Variants in IQCM observed in about 807,000 individuals in gnomAD.
IQCM encodes IQ motif containing M, also known as IQ domain-containing protein M.
A neutral mutation model predicts 57.6 loss-of-function variants in IQCM; 45 were observed. That is an observed-to-expected ratio of 0.78 (90% confidence interval 0.62 to 1.00). The LOEUF (loss-of-function observed/expected upper bound fraction) is 1.00, where lower values mean the gene tolerates loss of function less well. Among genes scored for constraint, IQCM ranks in the 50% least tolerant of loss-of-function variants. The pLI is 0.00. For synonymous variants in IQCM, 148 were observed against 158.9 expected, an observed-to-expected ratio of 0.93 and a Z score of 0.51; for missense variants, 468 against 511.6, an observed-to-expected ratio of 0.91 and a Z score of 0.82.
intron 5 of IQCM, among the ~76,000 whole-genome samples, chr4:149,698,237 GA>G (rs1428167318): frequency 6.6e-6 from 1 of 151,562 alleles, no homozygotes; most frequent in Non-Finnish European, 1.5e-5. Context: ...GTTATAGGGG[GA>G]AAAAAAGGAA....
intron 12 of IQCM, among the ~76,000 whole-genome samples, chr4:149,487,721 G>A (rs944161436): frequency 1.3e-5 from 2 of 152,100 alleles, no homozygotes; most frequent in African/African-American, 4.8e-5. Flanking sequence ...GGGCAACACT[G>A]AGTTCATTGT....
intron 10 of IQCM, among the ~76,000 whole-genome samples, chr4:149,555,078 A>C (rs1749452415): frequency 6.6e-6 from 1 of 152,154 alleles, no homozygotes; most frequent in African/African-American, 2.4e-5. Context: ...TATTTGAATG[A>C]AAAATTAATT....
At chr4:149,803,125 C>A (rs892734262) in intron 2 of IQCM, among the ~76,000 whole-genome samples, 1 of 151,858 alleles carries the variant, frequency 6.6e-6, no homozygotes, top group Admixed American at 6.6e-5. Context: ...CCTTCTAGTT[C>A]CAGAGCCTGC....
At chr4:149,636,570 G>A (rs1369116886) in intron 7 of IQCM, among the ~76,000 whole-genome samples, 3 of 152,036 alleles carry the variant, frequency 2.0e-5, no homozygotes, top group Middle Eastern at 3.4e-3. Flanking sequence ...GACCAGAAAA[G>A]CCACACATGC....
chr4:149,592,864 G>A (rs1317640095), intron 8 of IQCM, among the ~76,000 whole-genome samples: 2 of 152,136 alleles, frequency 1.3e-5, no homozygotes, highest in South Asian at 2.1e-4. Context: ...CTGTAGCCTT[G>A]TAGTATAGTT....
At chr4:149,789,452 C>T (rs1313375596) in intron 2 of IQCM, among the ~76,000 whole-genome samples, 4 of 152,140 alleles carry the variant, frequency 2.6e-5, no homozygotes, top group Non-Finnish European at 5.9e-5. Context: ...GTAATGCAGT[C>T]ATTCCATTTT....
intron 2 of IQCM, among the ~76,000 whole-genome samples, chr4:149,772,617 G>A (rs1387594979): frequency 1.3e-5 from 2 of 152,160 alleles, no homozygotes; most frequent in East Asian, 1.9e-4. Context: ...TGGAATTTGG[G>A]CAGTAGAGAA....
At chr4:149,565,074 TC>T (rs960570416) in intron 9 of IQCM, among the ~76,000 whole-genome samples, 10 of 152,098 alleles carry the variant, frequency 6.6e-5, no homozygotes, top group Admixed American at 5.9e-4. Context: ...AATGCTTTCT[TC>T]TTCTTAATGT....
chr4:149,789,733 C>T (rs181863492), intron 2 of IQCM, among the ~76,000 whole-genome samples: 231 of 145,052 alleles, frequency 1.6e-3, no homozygotes, highest in African/African-American at 5.9e-3. Context: ...AGATCTCATC[C>T]CTACTAATAA....
intron 5 of IQCM, among the ~76,000 whole-genome samples, chr4:149,732,518 A>G (rs1414176211): frequency 6.6e-6 from 1 of 152,160 alleles, no homozygotes; most frequent in African/African-American, 2.4e-5. Context: ...TATCCTCACC[A>G]TTACTCTCTG....
At chr4:149,467,510 T>A (rs892947547) in intron 12 of IQCM, among the ~76,000 whole-genome samples, 2 of 152,220 alleles carry the variant, frequency 1.3e-5, no homozygotes, top group African/African-American at 4.8e-5. Flanking sequence ...ATTGCTTGTA[T>A]GTTTTTCAGC....
chr4:149,358,844 C>CAGTATATCGTGATATACTCTCATG (rs1729209754), intron 13 of IQCM, among the ~76,000 whole-genome samples: 1 of 108,028 alleles, frequency 9.3e-6, no homozygotes. Flanking sequence ...GCACAGTGGA[C>CAGTATATCGTGATATACTCTCATG]AGTATATCAT....
chr4:149,789,262 C>T (rs753477148), intron 2 of IQCM, among the ~76,000 whole-genome samples: 15 of 152,042 alleles, frequency 9.9e-5, no homozygotes, highest in Middle Eastern at 3.4e-3. Context: ...TCACATGGAC[C>T]CCATAAATAT....
At chr4:149,546,146 A>C (rs1217399147) in intron 12 of IQCM, among the ~76,000 whole-genome samples, 4 of 152,066 alleles carry the variant, frequency 2.6e-5, no homozygotes, top group African/African-American at 9.7e-5. Flanking sequence ...AAGGACATGA[A>C]CTCATCTTTT....
intron 2 of IQCM, among the ~76,000 whole-genome samples, chr4:149,755,049 A>G (rs1291341062): frequency 6.6e-6 from 1 of 152,218 alleles, no homozygotes; most frequent in Non-Finnish European, 1.5e-5. Context: ...CGTCCTATTC[A>G]TTAGCAAATC....
chr4:149,454,800 A>G (rs1354981132), intron 12 of IQCM, among the ~76,000 whole-genome samples: 1 of 152,018 alleles, frequency 6.6e-6, no homozygotes, highest in African/African-American at 2.4e-5. Flanking sequence ...GAATAGGCAA[A>G]TTCATAGAGG....
chr4:149,611,874 T>A (rs1229473816), intron 8 of IQCM, among the ~76,000 whole-genome samples: 1 of 152,064 alleles, frequency 6.6e-6, no homozygotes, highest in Non-Finnish European at 1.5e-5. Flanking sequence ...TAATAAATAC[T>A]TGAGATTTGA....
At chr4:149,719,279 G>A (rs1765246688) in intron 5 of IQCM, among the ~76,000 whole-genome samples, 1 of 151,728 alleles carries the variant, frequency 6.6e-6, no homozygotes. Context: ...AGGAGGTGGA[G>A]GTTGCAGTGA....
At chr4:149,517,454 A>G (rs1202370070) in intron 12 of IQCM, among the ~76,000 whole-genome samples, 2 of 152,172 alleles carry the variant, frequency 1.3e-5, no homozygotes, top group African/African-American at 4.8e-5. Context: ...AGTTGTGCGA[A>G]GGAGAGTTGT....
Sources: allele counts gnomAD v4.1 joint callset (sites outside exome capture counted in the v4.1 genomes callset), GRCh38; gene constraint gnomAD v4.1.1; transcripts MANE v1.5; gene names NCBI Gene and HGNC (gene_info 2026-07-23, HGNC 2026-07-21).